Variants in DPP10 observed in about 807,000 individuals in gnomAD.
DPP10 encodes inactive dipeptidyl peptidase 10.
Under a neutral mutation model 120.9 loss-of-function variants are expected in DPP10, and 33 were observed. That is an observed-to-expected ratio of 0.27 (90% CI 0.21 to 0.37). The LOEUF is 0.37. Among genes scored for constraint, DPP10 ranks in the 10% least tolerant of loss-of-function variants. The pLI, the probability that DPP10 is intolerant of heterozygous loss-of-function variation, is 1.00. For synonymous variants in DPP10, 337 were observed against 326.1 expected, an observed-to-expected ratio of 1.03 and a Z score of -0.36; for missense variants, 816 against 942.8, an observed-to-expected ratio of 0.87 and a Z score of 1.76.
intron 3 of DPP10, among the ~76,000 whole-genome samples, chr2:115,481,969 C>G (rs1298004500): frequency 1.3e-5 from 2 of 151,828 alleles, no homozygotes; most frequent in Admixed American, 1.3e-4. Flanking sequence ...AAGAACAAAC[C>G]ATTTTTGTTT....
At chr2:114,748,447 C>T (rs1279328247) in intron 1 of DPP10, among the ~76,000 whole-genome samples, 1 of 138,312 alleles carries the variant, frequency 7.2e-6, no homozygotes, top group East Asian at 2.1e-4. Context: ...TACATGTGCA[C>T]ATTGTGCAGG....
chr2:115,180,814 T>C (rs1305159241), intron 1 of DPP10, among the ~76,000 whole-genome samples: 1 of 152,200 alleles, frequency 6.6e-6, no homozygotes, highest in Non-Finnish European at 1.5e-5. Flanking sequence ...TGCTTATTTA[T>C]CTCAATGTCC....
intron 1 of DPP10, among the ~76,000 whole-genome samples, chr2:115,281,718 C>A (rs2060163344): frequency 6.6e-6 from 1 of 152,156 alleles, no homozygotes; most frequent in African/African-American, 2.4e-5. Flanking sequence ...ATGTTTTAAT[C>A]CACACAGTAA....
chr2:114,831,912 G>A (rs1291499977), intron 1 of DPP10, among the ~76,000 whole-genome samples: 2 of 148,392 alleles, frequency 1.3e-5, no homozygotes, highest in African/African-American at 2.5e-5. Context: ...AAAGTAAGAG[G>A]TTGATGCTCT....
chr2:114,535,477 T>G (rs1005960358), intron 1 of DPP10, among the ~76,000 whole-genome samples: 14 of 152,330 alleles, frequency 9.2e-5, no homozygotes, highest in South Asian at 6.2e-4. Context: ...CAAATTCAGA[T>G]GTTCTCTAAA....
chr2:114,801,685 G>T (rs558519935), intron 1 of DPP10, among the ~76,000 whole-genome samples: 4 of 152,164 alleles, frequency 2.6e-5, no homozygotes, highest in Non-Finnish European at 5.9e-5. Flanking sequence ...TTTCTCTTCA[G>T]TAGAATACAG....
At chr2:115,269,721 C>T (rs1186440980) in intron 1 of DPP10, among the ~76,000 whole-genome samples, 1 of 152,076 alleles carries the variant, frequency 6.6e-6, no homozygotes, top group African/African-American at 2.4e-5. Context: ...AGGGACATTC[C>T]ATCACTTCTG....
chr2:114,663,660 T>TAGAGAGAGAGAGAGAGAGAGAGAGAG (rs1485631969), intron 1 of DPP10, among the ~76,000 whole-genome samples: 1 of 91,534 alleles, frequency 1.1e-5, no homozygotes, highest in African/African-American at 7.9e-5. Flanking sequence ...TATATATATA[T>TAGAGAGAGAGAGAGAGAGAGAGAGAG]ATATATATAG....
chr2:114,630,623 G>A (rs1382717340), intron 1 of DPP10, among the ~76,000 whole-genome samples: 4 of 152,104 alleles, frequency 2.6e-5, no homozygotes, highest in African/African-American at 9.7e-5. Context: ...TCCAAAGAGA[G>A]GCCTGTGGGT....
intron 1 of DPP10, among the ~76,000 whole-genome samples, chr2:115,274,639 C>T (rs1311169041): frequency 1.3e-5 from 2 of 152,170 alleles, no homozygotes; most frequent in Non-Finnish European, 2.9e-5. Context: ...GCAACATGAG[C>T]TGTGGAAAAT....
intron 1 of DPP10, among the ~76,000 whole-genome samples, chr2:114,967,200 A>G (rs1220159111): frequency 6.6e-6 from 1 of 152,206 alleles, no homozygotes; most frequent in Non-Finnish European, 1.5e-5. Context: ...TTAATAAAAA[A>G]AATCTTCCAT....
At chr2:115,522,143 C>G (rs1449794260) in intron 4 of DPP10, among the ~76,000 whole-genome samples, 1 of 152,050 alleles carries the variant, frequency 6.6e-6, no homozygotes, top group Admixed American at 6.6e-5. Flanking sequence ...ACTAGCAATA[C>G]TGTGTATTTT....
At chr2:114,966,419 T>A (rs757534345) in intron 1 of DPP10, among the ~76,000 whole-genome samples, 1 of 152,150 alleles carries the variant, frequency 6.6e-6, no homozygotes, top group Non-Finnish European at 1.5e-5. Flanking sequence ...TTTCAAAGAC[T>A]CTGGCTTCCT....
chr2:115,375,982 G>A (rs1433129193), intron 3 of DPP10, among the ~76,000 whole-genome samples: 3 of 152,126 alleles, frequency 2.0e-5, no homozygotes, highest in African/African-American at 7.2e-5. Flanking sequence ...GTAGTGCTTG[G>A]TATAAGAATA....
At chr2:114,991,803 G>T (rs1700767830) in intron 1 of DPP10, among the ~76,000 whole-genome samples, 2 of 152,224 alleles carry the variant, frequency 1.3e-5, no homozygotes, top group Non-Finnish European at 2.9e-5. Flanking sequence ...GGCAGAGAGG[G>T]ATTGTATGGA....
intron 1 of DPP10, among the ~76,000 whole-genome samples, chr2:114,598,203 G>C (rs183699354): frequency 6.6e-6 from 1 of 151,932 alleles, no homozygotes; most frequent in Non-Finnish European, 1.5e-5. Context: ...CAGGGCTAAA[G>C]TGGCTAACTT....
chr2:114,700,404 G>A (rs1700319415), intron 1 of DPP10, among the ~76,000 whole-genome samples: 4 of 152,108 alleles, frequency 2.6e-5, no homozygotes, highest in Admixed American at 2.6e-4. Flanking sequence ...AGAAATATGT[G>A]TGTATGTATA....
rs1690266492 is a variant in DPP10 at position 115,842,629 on chromosome 2, G to C, written c.*284G>C. ...GTAGGAGTAGTGCATGTTTTCTTCTGTTATCCCCCTGTTTGTTCTGTAACT... is the reference window on the plus strand; with the variant it reads ...GTAGGAGTAGTGCATGTTTTCTTCTCTTATCCCCCTGTTTGTTCTGTAACT... On this transcript the variant is annotated 3_prime_UTR_variant, in exon 26 of 26. Coordinates refer to ENST00000410059, the MANE Select transcript of DPP10 (RefSeq NM_020868.6). The C allele has an allele frequency of 1.6e-5, 4 of 244,234 alleles. No homozygotes were observed. In the Admixed American group the frequency reaches 2.1e-4, roughly 13 times the overall value. 15.1% of individuals were successfully genotyped at this position (244,234 alleles called of 1,614,324 possible).
intron 3 of DPP10, among the ~76,000 whole-genome samples, chr2:115,441,726 A>G (rs2072064191): frequency 6.6e-6 from 1 of 151,920 alleles, no homozygotes; most frequent in South Asian, 2.1e-4. Flanking sequence ...GGACAGACCT[A>G]GTTATTTGAT....
Sources: allele counts gnomAD v4.1 joint callset (sites outside exome capture counted in the v4.1 genomes callset), GRCh38; gene constraint gnomAD v4.1.1; transcripts MANE v1.5; gene names NCBI Gene and HGNC (gene_info 2026-07-23, HGNC 2026-07-21).